The following NNMT variants were observed in gnomAD, a reference collection of about 807,000 sequenced individuals.
NNMT encodes the protein nicotinamide N-methyltransferase.
A neutral mutation model predicts 11.7 loss-of-function variants in NNMT; 10 were observed. That is an observed-to-expected ratio of 0.85 (90% CI 0.53 to 1.45). NNMT has a LOEUF of 1.45. NNMT is among the 40% of genes most tolerant of loss of function. The pLI, the probability that NNMT is intolerant of heterozygous loss-of-function variation, is 0.00. For missense variants in NNMT, 381 were observed against 319.4 expected (o/e 1.19, Z -1.47); for synonymous variants, 143 against 133.8 (o/e 1.07, Z -0.48).
intron 1 of NNMT, among the ~76,000 whole-genome samples, chr11:114,297,742 C>T (rs944495612): frequency 2.6e-5 from 4 of 152,282 alleles, no homozygotes; most frequent in Non-Finnish European, 2.9e-5. Flanking sequence ...CTGCCTTGGC[C>T]TTCCAGAGTA....
At chr11:114,276,047 CTG>C (rs1945210815) in intron 2 of NNMT, among the ~76,000 whole-genome samples, 2 of 152,156 alleles carry the variant, frequency 1.3e-5, no homozygotes, top group African/African-American at 4.8e-5. Context: ...AGAATGGCCT[CTG>C]AAACCTGCAG....
At chr11:114,271,347 G>A (rs1480335315) in intron 2 of NNMT, among the ~76,000 whole-genome samples, 3 of 152,162 alleles carry the variant, frequency 2.0e-5, no homozygotes, top group Non-Finnish European at 4.4e-5. Context: ...GTAGGGAAAA[G>A]TGTCAGCCCT....
intron 2 of NNMT, among the ~76,000 whole-genome samples, chr11:114,278,889 T>C (rs1945236843): frequency 6.6e-6 from 1 of 152,048 alleles, no homozygotes; most frequent in Non-Finnish European, 1.5e-5. Flanking sequence ...TGCTATGGGA[T>C]GGGAAGGCAT....
At chr11:114,309,238 A>G in intron 2 of NNMT, among the ~76,000 whole-genome samples, 1 of 152,156 alleles carries the variant, frequency 6.6e-6, no homozygotes, top group East Asian at 1.9e-4. Context: ...CATGTTTCTC[A>G]CACACTTCTA....
chr11:114,286,009 A>C (rs1222195156), intron 2 of NNMT, among the ~76,000 whole-genome samples: 1 of 152,186 alleles, frequency 6.6e-6, no homozygotes, highest in Non-Finnish European at 1.5e-5. Context: ...TTGGAAAGAA[A>C]AGCTTGGAAG....
At chr11:114,302,987 C>A (rs1434267137) in intron 2 of NNMT, among the ~76,000 whole-genome samples, 4 of 152,202 alleles carry the variant, frequency 2.6e-5, no homozygotes, top group Non-Finnish European at 4.4e-5. Flanking sequence ...TCTCAGACTT[C>A]CAGCCTTTAG....
At chr11:114,294,695 T>A (rs191805084), upstream of NNMT, among the ~76,000 whole-genome samples, 1 of 151,736 alleles carries the variant, frequency 6.6e-6, no homozygotes, top group Non-Finnish European at 1.5e-5. Flanking sequence ...TATCAGAATA[T>A]CTCATGTAAC....
Position 114,312,677 on chromosome 11 carries a change from G to A in NNMT, c.*200G>A. On this transcript the variant is annotated 3_prime_UTR_variant, in exon 3 of 3. Coordinates refer to ENST00000299964, the MANE Select transcript of NNMT (RefSeq NM_006169.3). ...GCTGCACACAAATGTTGGTGCTATG[G>A]GACCCAAAGATGAGCAATTAGTATT... 1 of 558,946 alleles carries A rather than the reference G, an allele frequency of 1.8e-6. No homozygotes were observed. The highest frequency in any genetic ancestry group is 3.2e-6 in the Non-Finnish European group (1 of 317,250). 34.6% of individuals were successfully genotyped at this position (558,946 alleles called of 1,614,324 possible). A position where few individuals can be genotyped will look rare whatever the true frequency, so the allele number is the denominator to read the frequency against.
chr11:114,268,768 C>CAAAAAAAAAAA (rs34012236), intron 2 of NNMT, among the ~76,000 whole-genome samples: 1 of 69,644 alleles, frequency 1.4e-5, no homozygotes, highest in Admixed American at 1.6e-4. Flanking sequence ...GACTCCGTCT[C>CAAAAAAAAAAA]AAAAAAAAAA....
At chr11:114,304,822 A>T (rs1165817264) in intron 2 of NNMT, among the ~76,000 whole-genome samples, 1 of 152,180 alleles carries the variant, frequency 6.6e-6, no homozygotes, top group Non-Finnish European at 1.5e-5. Flanking sequence ...TGGCAGAGTG[A>T]CACTCTGTCT....
intron 1 of NNMT, among the ~76,000 whole-genome samples, 167 bp downstream of exon 1, chr11:114,296,877 A>G (rs1278135653): frequency 6.6e-6 from 1 of 152,190 alleles, no homozygotes; most frequent in African/African-American, 2.4e-5. Context: ...TCCACAGTTT[A>G]CAAAGTGCTT....
chr11:114,300,418 T>C (rs1168265878), intron 2 of NNMT, among the ~76,000 whole-genome samples: 1 of 152,186 alleles, frequency 6.6e-6, no homozygotes, highest in African/African-American at 2.4e-5. Context: ...TAGTCAGAGA[T>C]TTATTTTGTG....
chr11:114,303,976 A>G (rs1945465877), intron 2 of NNMT, among the ~76,000 whole-genome samples: 1 of 152,178 alleles, frequency 6.6e-6, no homozygotes, highest in African/African-American at 2.4e-5. Context: ...AGAATTTTAT[A>G]TTGGCTATAG....
upstream of NNMT, among the ~76,000 whole-genome samples, chr11:114,294,691 AAT>A (rs889923604): frequency 6.6e-6 from 1 of 152,150 alleles, no homozygotes; most frequent in African/African-American, 2.4e-5. Flanking sequence ...CCTCTATCAG[AAT>A]ATCTCATGTA....
chr11:114,259,582 C>G (rs1003073897), intron 1 of NNMT, among the ~76,000 whole-genome samples: 1 of 152,154 alleles, frequency 6.6e-6, no homozygotes, highest in Non-Finnish European at 1.5e-5. Flanking sequence ...TCCCCCAGCT[C>G]TCTGTGTGGT....
chr11:114,304,990 A>G (rs1203345961), intron 2 of NNMT, among the ~76,000 whole-genome samples: 1 of 150,818 alleles, frequency 6.6e-6, no homozygotes, highest in Non-Finnish European at 1.5e-5. Flanking sequence ...TAGAAGCTGC[A>G]TTACTTAACC....
At chr11:114,269,572 A>G (rs146051591) in intron 2 of NNMT, 2 of 152,320 alleles carry the variant, frequency 1.3e-5, no homozygotes, top group Non-Finnish European at 2.9e-5. Flanking sequence ...TTGTTTTGGC[A>G]TCTGTCCTTG....
chr11:114,273,465 A>T (rs1945187823), intron 2 of NNMT, among the ~76,000 whole-genome samples: 1 of 152,208 alleles, frequency 6.6e-6, no homozygotes, highest in African/African-American at 2.4e-5. Flanking sequence ...TAAGAGACCA[A>T]GAGTTCTGTG....
chr11:114,268,782 A>C (rs928082597), intron 2 of NNMT, among the ~76,000 whole-genome samples: 1 of 151,156 alleles, frequency 6.6e-6, no homozygotes, highest in Non-Finnish European at 1.5e-5. Context: ...AAAAAAAAAA[A>C]AAAAAAAAAC....
Sources: allele counts gnomAD v4.1 joint callset (sites outside exome capture counted in the v4.1 genomes callset), GRCh38; gene constraint gnomAD v4.1.1; transcripts MANE v1.5; gene names NCBI Gene and HGNC (gene_info 2026-07-23, HGNC 2026-07-21).